The following PPP4R3B variants were observed in gnomAD, a reference collection of about 807,000 sequenced individuals.
The protein encoded by PPP4R3B is serine/threonine-protein phosphatase 4 regulatory subunit 3B.
A neutral mutation model predicts 95.4 loss-of-function variants in PPP4R3B; 52 were observed. That is an observed-to-expected ratio of 0.54 (90% CI 0.44 to 0.69). PPP4R3B has a LOEUF of 0.69. PPP4R3B is among the 30% of genes least tolerant of loss of function. The probability of loss-of-function intolerance (pLI) is 0.00; values close to 1 mark genes in which losing one functional copy is unlikely to be tolerated. For synonymous variants in PPP4R3B, 407 were observed against 343.9 expected, an observed-to-expected ratio of 1.18 and a Z score of -2.03; for missense variants, 1,003 against 1,005.9, an observed-to-expected ratio of 1.00 and a Z score of 0.04.
At chr2:55,608,862 G>A (rs758479461) in intron 2 of PPP4R3B, among the ~76,000 whole-genome samples, 7 of 152,114 alleles carry the variant, frequency 4.6e-5, no homozygotes, top group Non-Finnish European at 1.0e-4. Context: ...GTATGCGCCT[G>A]CAGTCCCAGC....
intron 2 of PPP4R3B, among the ~76,000 whole-genome samples, chr2:55,608,757 G>A (rs1252608054): frequency 6.6e-6 from 1 of 152,154 alleles, no homozygotes; most frequent in African/African-American, 2.4e-5. Context: ...GCCCAAAGAG[G>A]GAGAATTGTT....
intron 3 of PPP4R3B, among the ~76,000 whole-genome samples, chr2:55,602,695 C>G (rs542975532): frequency 2.1e-4 from 32 of 152,306 alleles, no homozygotes; most frequent in African/African-American, 7.2e-4. Context: ...TAAGTGCTGT[C>G]TGCGTGATTC....
chr2:55,606,337 T>C (rs529355573), intron 2 of PPP4R3B, among the ~76,000 whole-genome samples: 32 of 152,144 alleles, frequency 2.1e-4, no homozygotes, highest in Non-Finnish European at 4.1e-4. Flanking sequence ...AGACCCAATA[T>C]ACACTTAAGG....
chr2:55,555,537 A>C (rs115975020), intron 16 of PPP4R3B, among the ~76,000 whole-genome samples: 1 of 152,022 alleles, frequency 6.6e-6, no homozygotes, highest in African/African-American at 2.4e-5. Context: ...AACATGGTGA[A>C]ACCCCATCTC....
intron 9 of PPP4R3B, among the ~76,000 whole-genome samples, chr2:55,579,371 C>T (rs1431759732): frequency 6.7e-6 from 1 of 149,486 alleles, no homozygotes; most frequent in East Asian, 2.0e-4. Context: ...GTCTACATAT[C>T]AATTCCTTAG....
At chr2:55,595,492 A>T (rs974742507) in intron 4 of PPP4R3B, among the ~76,000 whole-genome samples, 1 of 151,806 alleles carries the variant, frequency 6.6e-6, no homozygotes, top group Non-Finnish European at 1.5e-5. Context: ...TTTAAAAATT[A>T]CAATTAAAAC....
rs548494785 is a variant in PPP4R3B, at chr2:55,606,401, T to C, written c.199-2325A>G. Reference sequence around the variant, plus strand: ...ATAAATCCATATTTAAAATTATCCTTTGGTAGAATGCAATGGCTCAAGTCT... The same window carrying C: ...ATAAATCCATATTTAAAATTATCCTCTGGTAGAATGCAATGGCTCAAGTCT... On this transcript the variant is annotated intron_variant, in intron 2 of 16. Coordinates refer to ENST00000616407, the MANE Select transcript of PPP4R3B (RefSeq NM_001122964.3). Among the ~76,000 whole-genome samples the C allele has an allele frequency of 5.3e-5, 8 of 152,148 alleles. No homozygotes were observed. In the South Asian group the frequency reaches 1.0e-3, roughly 20 times the overall value.
In PPP4R3B at chr2:55,609,280, C is replaced by A. The variant is rs76295612; in HGVS notation, c.199-5204G>T. Among the ~76,000 whole-genome samples, 315 of 152,106 alleles carry A rather than the reference C, an allele frequency of 2.1e-3. 1 individual carries two copies. Among genetic ancestry groups the A allele is most frequent in the African/African-American group, 7.2e-3 (300 of 41,484 alleles). On this transcript the variant is annotated intron_variant, in intron 2 of 16. Coordinates refer to ENST00000616407, the MANE Select transcript of PPP4R3B (RefSeq NM_001122964.3). ...CTCAAGTGATCCTCCTGCCTCAGCC[C>A]CGAAAAGCTGGGACTACTACTGGCA... is the stretch of plus-strand genomic sequence containing the variant.
intron 15 of PPP4R3B, among the ~76,000 whole-genome samples, chr2:55,563,315 A>T (rs974742058): frequency 1.3e-5 from 2 of 152,276 alleles, no homozygotes; most frequent in African/African-American, 4.8e-5. Context: ...AAAATGTCAC[A>T]TTCAAAATCA....
intron 7 of PPP4R3B, among the ~76,000 whole-genome samples, chr2:55,582,040 G>C (rs1027944422): frequency 1.3e-5 from 2 of 152,036 alleles, no homozygotes; most frequent in African/African-American, 2.4e-5. Context: ...TTGGGTTTCA[G>C]ACTCAGGCGT....
intron 16 of PPP4R3B, among the ~76,000 whole-genome samples, chr2:55,557,048 G>A (rs1400883060): frequency 6.6e-6 from 1 of 151,476 alleles, no homozygotes; most frequent in Admixed American, 6.6e-5. Flanking sequence ...GGGTGACAGA[G>A]TGAGACTCTG....
At chr2:55,593,256 G>A (rs933429487) in intron 4 of PPP4R3B, among the ~76,000 whole-genome samples, 2 of 152,182 alleles carry the variant, frequency 1.3e-5, no homozygotes, top group Non-Finnish European at 2.9e-5. Context: ...AACATTTGGA[G>A]TCACTAAAGT....
chr2:55,608,921 C>T (rs755359293), intron 2 of PPP4R3B, among the ~76,000 whole-genome samples: 1 of 151,956 alleles, frequency 6.6e-6, no homozygotes, highest in Non-Finnish European at 1.5e-5. Flanking sequence ...GTCAAGGCTG[C>T]GTGAGACTTA....
chr2:55,575,260 T>C (rs1688530475), intron 11 of PPP4R3B, among the ~76,000 whole-genome samples: 1 of 151,580 alleles, frequency 6.6e-6, no homozygotes, highest in South Asian at 2.1e-4. Context: ...TTTTAAAATA[T>C]CAACTCACGA....
At position 55,571,784 on chromosome 2, in the gene PPP4R3B, C is replaced by T. The variant is rs368362643; in HGVS notation, c.1765+1835G>A. Among the ~76,000 whole-genome samples the T allele has an allele frequency of 4.9e-4, 75 of 152,268 alleles. No homozygotes were observed. The East Asian group carries it at 0.011, about 22-fold the overall frequency. ...GGGATTACAGACATACACCACCATG[C>T]CTGGCTAATTTTTGTAGTTTTAGTA... On this transcript the variant is annotated intron_variant, in intron 12 of 16. Coordinates refer to ENST00000616407, the MANE Select transcript of PPP4R3B (RefSeq NM_001122964.3).
At chr2:55,603,448 C>A (rs890465084) in intron 3 of PPP4R3B, among the ~76,000 whole-genome samples, 1 of 152,138 alleles carries the variant, frequency 6.6e-6, no homozygotes, top group Non-Finnish European at 1.5e-5. Flanking sequence ...TTGTCTTCTG[C>A]ATTATAGTTA....
intron 12 of PPP4R3B, 90 bp from the exon 13 acceptor site, chr2:55,568,453 G>A (rs1687579041): frequency 2.9e-6 from 3 of 1,028,686 alleles, no homozygotes; most frequent in African/African-American, 1.6e-5. Context: ...CAATGTATAT[G>A]CTCTTCTAAA....
chr2:55,583,401 A>G (rs1445219218), intron 7 of PPP4R3B, among the ~76,000 whole-genome samples: 2 of 152,184 alleles, frequency 1.3e-5, no homozygotes, highest in Admixed American at 1.3e-4. Flanking sequence ...ATCTTTTCAC[A>G]GTGAAAAAAT....
At chr2:55,603,699 TG>T (rs554343545) in intron 3 of PPP4R3B, among the ~76,000 whole-genome samples, 14 of 152,224 alleles carry the variant, frequency 9.2e-5, no homozygotes, top group Non-Finnish European at 1.9e-4. Flanking sequence ...AATCTTCTTT[TG>T]GTTTGCTTAA....
Sources: allele counts gnomAD v4.1 joint callset (sites outside exome capture counted in the v4.1 genomes callset), GRCh38; gene constraint gnomAD v4.1.1; transcripts MANE v1.5; gene names NCBI Gene and HGNC (gene_info 2026-07-23, HGNC 2026-07-21).